Variants in SHOC2 observed in about 807,000 individuals in gnomAD.
SHOC2 encodes SHOC2 leucine rich repeat scaffold protein.
A neutral mutation model predicts 50.2 loss-of-function variants in SHOC2; 4 were observed. That is an observed-to-expected ratio of 0.08 (90% CI 0.04 to 0.18). The LOEUF (loss-of-function observed/expected upper bound fraction) is 0.18, where lower values mean the gene tolerates loss of function less well. SHOC2 is among the 10% of genes least tolerant of loss of function. The probability of loss-of-function intolerance (pLI) is 1.00; values close to 1 mark genes in which losing one functional copy is unlikely to be tolerated. For missense variants in SHOC2, 388 were observed against 669.6 expected, an observed-to-expected ratio of 0.58 and a Z score of 4.64; for synonymous variants, 218 against 244.5, an observed-to-expected ratio of 0.89 and a Z score of 1.01.
At chr10:111,002,006 A>G (rs1329310947) in intron 4 of SHOC2, among the ~76,000 whole-genome samples, 1 of 152,106 alleles carries the variant, frequency 6.6e-6, no homozygotes, top group Non-Finnish European at 1.5e-5. Flanking sequence ...AGGTGACGCC[A>G]CTGCAGTCCA....
intron 2 of SHOC2, among the ~76,000 whole-genome samples, chr10:110,969,046 A>G (rs763571816): frequency 6.6e-6 from 1 of 152,226 alleles, no homozygotes; most frequent in African/African-American, 2.4e-5. Context: ...ATAAAAAGAT[A>G]CTGGAACAGA....
intron 1 of SHOC2, among the ~76,000 whole-genome samples, chr10:110,939,610 G>C (rs1227626960): frequency 6.6e-6 from 1 of 152,070 alleles, no homozygotes; most frequent in Admixed American, 6.5e-5. Flanking sequence ...AGATTATGAC[G>C]TATGTCAACT....
intron 3 of SHOC2, among the ~76,000 whole-genome samples, chr10:110,993,073 G>GAA (rs1264735767): frequency 2.0e-5 from 3 of 152,190 alleles, no homozygotes; most frequent in Admixed American, 6.5e-5. Flanking sequence ...CAGCGTAAGA[G>GAA]AAAGCAAGCT....
At chr10:110,927,867 A>G (rs1846807152) in intron 1 of SHOC2, among the ~76,000 whole-genome samples, 1 of 152,186 alleles carries the variant, frequency 6.6e-6, no homozygotes, top group Non-Finnish European at 1.5e-5. Context: ...GAAAATAATT[A>G]TTTGGAGGCT....
At chr10:110,925,070 CAAAA>C (rs763203844) in intron 1 of SHOC2, among the ~76,000 whole-genome samples, 5 of 82,510 alleles carry the variant, frequency 6.1e-5, no homozygotes, top group Non-Finnish European at 1.1e-4. Flanking sequence ...GACTCTGTCT[CAAAA>C]AAAAAAAAAA....
Position 111,008,866 on chromosome 10 carries a change from TA to T in SHOC2, c.1285-379del, listed in dbSNP as rs74539906. 2.0e-4 allele frequency among the ~76,000 whole-genome samples: 30 copies of T among 152,192 alleles called. No individual in the cohort carries two copies. The East Asian group carries it at 5.8e-3, about 29-fold the overall frequency. On this transcript the variant is annotated intron_variant, in intron 6 of 8. Coordinates refer to ENST00000369452, the MANE Select transcript of SHOC2 (RefSeq NM_007373.4). ...AGTGTAATAAGAACACCACAGATAA[TA>T]AATAGAGTGGATTGATATAGCAAGT... is the stretch of plus-strand genomic sequence containing the variant.
Position 110,964,204 on chromosome 10 carries a change from G to A in SHOC2, c.-155G>A. On this transcript the variant is annotated 5_prime_UTR_variant, in exon 2 of 9. Coordinates refer to ENST00000369452, the MANE Select transcript of SHOC2 (RefSeq NM_007373.4). The surrounding 1 kb of genome is among the most constrained non-coding windows in gnomAD (Gnocchi z 4.9). ...ATCAGAAATGGGCATAGTGCTTTTAGATCCAACATGTAACAGATGGATGTT... is the reference window on the plus strand; with the variant it reads ...ATCAGAAATGGGCATAGTGCTTTTAAATCCAACATGTAACAGATGGATGTT... 8.5e-7 allele frequency: 1 copy of A among 1,169,778 alleles called. No homozygotes were observed. The allele number at this position is 1,169,778 out of a possible 1,614,324, so 72.5% of individuals were successfully genotyped here.
At chr10:110,953,194 G>A (rs977569993) in intron 1 of SHOC2, among the ~76,000 whole-genome samples, 3 of 152,136 alleles carry the variant, frequency 2.0e-5, no homozygotes, top group Admixed American at 6.5e-5. Context: ...CAGTTTAAAC[G>A]TGTTCCTGTT....
intron 5 of SHOC2, among the ~76,000 whole-genome samples, chr10:111,005,278 C>T (rs1342097701): frequency 2.0e-5 from 3 of 152,072 alleles, no homozygotes; most frequent in African/African-American, 4.8e-5. Context: ...TGTTCCCCAT[C>T]CCCCCAAAAA....
At chr10:110,956,120 C>G (rs1847456590) in intron 1 of SHOC2, among the ~76,000 whole-genome samples, 1 of 151,992 alleles carries the variant, frequency 6.6e-6, no homozygotes, top group Admixed American at 6.5e-5. Flanking sequence ...TAATAGCTTC[C>G]TCTGGTATCT....
intron 1 of SHOC2, among the ~76,000 whole-genome samples, chr10:110,932,193 C>G (rs1384918534): frequency 6.6e-6 from 1 of 152,162 alleles, no homozygotes; most frequent in African/African-American, 2.4e-5. Context: ...GAAAGAAGTT[C>G]ATGTGACCAT....
At chr10:110,996,333 G>T (rs76053346) in intron 3 of SHOC2, among the ~76,000 whole-genome samples, 2,937 of 152,184 alleles carry the variant, frequency 0.019, 36 homozygotes, top group Non-Finnish European at 0.029. Flanking sequence ...ATCGAGACCA[G>T]CCTGGGCAAC....
At chr10:110,980,377 C>T (rs889018722) in intron 2 of SHOC2, among the ~76,000 whole-genome samples, 4 of 152,014 alleles carry the variant, frequency 2.6e-5, no homozygotes, top group African/African-American at 9.7e-5. Context: ...AGGATGGTCT[C>T]GATCTCCTGA....
At chr10:110,928,185 C>T (rs917266036) in intron 1 of SHOC2, among the ~76,000 whole-genome samples, 4 of 152,000 alleles carry the variant, frequency 2.6e-5, no homozygotes, top group South Asian at 2.1e-4. Flanking sequence ...GGTGCAGTGA[C>T]GCATGCCTGT....
intron 3 of SHOC2, 22 bp from the exon 4 acceptor site, chr10:111,000,393 C>T (rs541948191): frequency 1.9e-6 from 3 of 1,611,998 alleles, no homozygotes; most frequent in East Asian, 4.5e-5. Context: ...AAATAAATTT[C>T]TTTTTTTGTG....
intron 1 of SHOC2, among the ~76,000 whole-genome samples, chr10:110,949,481 G>T (rs1049354497): frequency 2.0e-5 from 3 of 152,042 alleles, no homozygotes; most frequent in Admixed American, 6.6e-5. Flanking sequence ...GGACCTGAAG[G>T]CTCCACTGGT....
chr10:111,009,207 A>G (rs1478636665), intron 6 of SHOC2, 41 bp from the exon 7 acceptor site: 1 of 1,374,024 alleles, frequency 7.3e-7, no homozygotes, highest in Admixed American at 1.7e-5. Context: ...ATATAATTTC[A>G]TTTCATGATT....
intron 2 of SHOC2, among the ~76,000 whole-genome samples, chr10:110,966,444 T>C (rs1437314209): frequency 1.3e-5 from 2 of 152,100 alleles, no homozygotes; most frequent in African/African-American, 2.4e-5. Context: ...AATAGAATTA[T>C]AGGCAATTGG....
intron 1 of SHOC2, among the ~76,000 whole-genome samples, chr10:110,958,571 G>A (rs1316722423): frequency 6.6e-6 from 1 of 151,994 alleles, no homozygotes. Context: ...TTCTACATGC[G>A]TTTTGTGGAT....
Sources: gnomAD v4.1 joint callset for allele counts (sites outside exome capture counted in the v4.1 genomes callset) on GRCh38, gnomAD v4.1.1 for gene constraint, Gnocchi (gnomAD v3.1) non-coding constraint, MANE v1.5 for transcripts, NCBI Gene and HGNC (gene_info 2026-07-23, HGNC 2026-07-21) for gene names.